Variants in ADAMTS18 observed in about 807,000 individuals in gnomAD.
The protein encoded by ADAMTS18 is A disintegrin and metalloproteinase with thrombospondin motifs 18.
A neutral mutation model predicts 165.9 loss-of-function variants in ADAMTS18; 157 were observed. The ratio of observed to expected loss-of-function variants is 0.95; its 90% confidence interval spans 0.83 to 1.08. The LOEUF (loss-of-function observed/expected upper bound fraction) is 1.08, where lower values mean the gene tolerates loss of function less well. ADAMTS18 is among the 50% of genes least tolerant of loss of function. The pLI is 0.00. For synonymous variants in ADAMTS18, 782 were observed against 578.2 expected, an observed-to-expected ratio of 1.35 and a Z score of -5.06; for missense variants, 2,040 against 1,534.0, an observed-to-expected ratio of 1.33 and a Z score of -5.51.
chr16:77,404,993 G>A (rs66527858), intron 3 of ADAMTS18, among the ~76,000 whole-genome samples: 18,864 of 152,180 alleles, frequency 0.12, 1,425 homozygotes, highest in East Asian at 0.22. Flanking sequence ...CCCCCAGAGC[G>A]GGGGAATGTT....
chr16:77,300,323 T>C lies in ADAMTS18; in HGVS notation c.2614A>G (p.Lys872Glu), dbSNP rs1296514941. ...KVMNGTPPAT[K>E]RPAYTWSIVQ... is the part of the protein sequence containing the mutation. ...ATACTCCAGGTATAGGCAGGTCTTT[T>C]TGTGGCTGGTGGAGTTCCATTCATG... Residue 872 changes from lysine (K) to glutamate (E), a missense_variant, in exon 17 of 23, where the codon AAA (lysine) becomes GAA (glutamate). Physicochemically the swap from Lys to Glu is moderately conservative, Grantham distance 56. Coordinates refer to ENST00000282849, the MANE Select transcript of ADAMTS18 (RefSeq NM_199355.4). The C allele has an allele frequency of 1.2e-6, 2 of 1,614,122 alleles. No individual in the cohort carries two copies. Among genetic ancestry groups the C allele is most frequent in the South Asian group, 1.1e-5 (1 of 91,086 alleles).
In ADAMTS18 at chr16:77,425,771, G is replaced by A. The variant is rs574946594; in HGVS notation, c.495+5524C>T. 3.3e-5 allele frequency among the ~76,000 whole-genome samples: 5 copies of A among 152,160 alleles called. No individual in the cohort carries two copies. In the South Asian group the frequency reaches 6.2e-4, roughly 19 times the overall value. ...AAAAGAGGAGGAGTGGGCCGGGCACGGTGGCTCACACCTGTAATTCTGGCA... is the reference window on the plus strand; with the variant it reads ...AAAAGAGGAGGAGTGGGCCGGGCACAGTGGCTCACACCTGTAATTCTGGCA... On this transcript the variant is annotated intron_variant, in intron 3 of 22. Coordinates refer to ENST00000282849, the MANE Select transcript of ADAMTS18 (RefSeq NM_199355.4).
intron 3 of ADAMTS18, among the ~76,000 whole-genome samples, chr16:77,382,318 C>T (rs535860086): frequency 6.6e-5 from 10 of 152,232 alleles, no homozygotes; most frequent in South Asian, 4.2e-4. Context: ...TCATGCCATT[C>T]TCCTGCCTCA....
chr16:77,367,125 T>C (rs2056806680), intron 4 of ADAMTS18, among the ~76,000 whole-genome samples: 3 of 152,154 alleles, frequency 2.0e-5, no homozygotes, highest in African/African-American at 7.2e-5. Context: ...ACCTAGACAT[T>C]TACCTCTGTC....
intron 12 of ADAMTS18, 124 bp downstream of exon 12, chr16:77,335,632 A>T: frequency 8.3e-7 from 1 of 1,203,456 alleles, no homozygotes; most frequent in Non-Finnish European, 1.2e-6. Context: ...AATATGTATA[A>T]CCATTATGTA....
At chr16:77,333,159 T>C (rs1245723261) in intron 12 of ADAMTS18, among the ~76,000 whole-genome samples, 1 of 152,182 alleles carries the variant, frequency 6.6e-6, no homozygotes, top group Non-Finnish European at 1.5e-5. Context: ...ATGACTCCTC[T>C]GCTGTGTTTT....
At chr16:77,389,179 T>C (rs953201988) in intron 3 of ADAMTS18, among the ~76,000 whole-genome samples, 1 of 152,144 alleles carries the variant, frequency 6.6e-6, no homozygotes, top group South Asian at 2.1e-4. Context: ...CACATACCTG[T>C]GGTCTCAGCT....
chr16:77,292,802 C>G (rs1048187449), intron 20 of ADAMTS18, among the ~76,000 whole-genome samples: 3 of 152,082 alleles, frequency 2.0e-5, no homozygotes, highest in Admixed American at 6.6e-5. Flanking sequence ...GTCAGCTGAG[C>G]ATCTCAAGAA....
At chr16:77,329,023 G>A (rs1258073453) in intron 12 of ADAMTS18, among the ~76,000 whole-genome samples, 1 of 152,168 alleles carries the variant, frequency 6.6e-6, no homozygotes, top group Non-Finnish European at 1.5e-5. Flanking sequence ...CTTAGGCCAT[G>A]GGGCCGGGTA....
In ADAMTS18 at chr16:77,284,108, G is replaced by A. The variant is rs368726562; in HGVS notation, c.3551-37C>T. The stretch of plus-strand genomic sequence containing the variant: ...AAATATATTTAGCATGTTGGCTAGG[G>A]TGTCTATCCTTTTTCTTTTTTTTTT... On this transcript the variant is annotated intron_variant, in intron 22 of 22. Transcript: ENST00000282849. 23 of 1,429,304 alleles carry A rather than the reference G, an allele frequency of 1.6e-5. No homozygotes were observed. The African/African-American group carries it at 2.6e-4, about 16-fold the overall frequency. 88.5% of individuals were successfully genotyped at this position (1,429,304 alleles called of 1,614,324 possible).
chr16:77,369,195 G>A (rs2056842014), intron 3 of ADAMTS18, among the ~76,000 whole-genome samples: 1 of 152,096 alleles, frequency 6.6e-6, no homozygotes, highest in South Asian at 2.1e-4. Flanking sequence ...TGTGGTATCA[G>A]TTATGTCACA....
At chr16:77,370,266 A>G (rs1317148485) in intron 3 of ADAMTS18, among the ~76,000 whole-genome samples, 1 of 152,236 alleles carries the variant, frequency 6.6e-6, no homozygotes, top group Non-Finnish European at 1.5e-5. Context: ...AATAAAGGGC[A>G]TTCAACTTAG....
chr16:77,351,213 T>A (rs2056550993), intron 10 of ADAMTS18, among the ~76,000 whole-genome samples: 1 of 152,188 alleles, frequency 6.6e-6, no homozygotes, highest in Non-Finnish European at 1.5e-5. Flanking sequence ...TCAGAATCTA[T>A]CAAACCACCC....
chr16:77,326,293 G>T (rs188458290), intron 12 of ADAMTS18, among the ~76,000 whole-genome samples: 1 of 152,070 alleles, frequency 6.6e-6, no homozygotes, highest in African/African-American at 2.4e-5. Flanking sequence ...ATTAAAATTG[G>T]CATGCTAAAT....
At chr16:77,294,641 T>A (rs1261684180) in intron 19 of ADAMTS18, among the ~76,000 whole-genome samples, 1 of 152,348 alleles carries the variant, frequency 6.6e-6, no homozygotes, top group East Asian at 1.9e-4. Flanking sequence ...GCCAGTCTTC[T>A]GATACTGGAA....
At chr16:77,341,922 G>C (rs2056404642) in intron 10 of ADAMTS18, 123 bp from the exon 11 acceptor site, 3 of 780,028 alleles carry the variant, frequency 3.8e-6, no homozygotes, top group Non-Finnish European at 6.3e-6. Context: ...TATTCAGAAA[G>C]TAGAGGCCAG....
intron 12 of ADAMTS18, among the ~76,000 whole-genome samples, chr16:77,334,987 T>C (rs927313694): frequency 2.1e-5 from 3 of 143,706 alleles, no homozygotes; most frequent in Non-Finnish European, 4.5e-5. Context: ...TATATAGTAG[T>C]ATATATACTG....
chr16:77,363,866 T>C lies in ADAMTS18; in HGVS notation c.992A>G (p.Asp331Gly), dbSNP rs899307840. The C allele has an allele frequency of 6.2e-7, 1 of 1,613,882 alleles. No individual in the cohort carries two copies. The highest frequency in any genetic ancestry group is 8.5e-7 in the Non-Finnish European group (1 of 1,179,990). The change falls in exon 6 of 23, where the codon GAT (aspartate) becomes GGT (glycine). Residue 331 changes from aspartate (D) to glycine (G), a missense_variant. Physicochemically the swap from Asp to Gly is moderately conservative, Grantham distance 94. Transcript: ENST00000282849. ...VMNMVSGLFK[D>G]GTIGSDINVV... ...GTTTATGTCACTTCCAATAGTCCCATCTTTAAATAGGCCAGAAACCTGTTG... is the reference window on the plus strand; with the variant it reads ...GTTTATGTCACTTCCAATAGTCCCACCTTTAAATAGGCCAGAAACCTGTTG...
chr16:77,364,116 A>G (rs2056756364), intron 5 of ADAMTS18, 72 bp downstream of exon 5: 3 of 1,591,038 alleles, frequency 1.9e-6, no homozygotes, highest in Non-Finnish European at 2.6e-6. Context: ...CCTGCTATTC[A>G]ACCCATGCAA....
Sources: gnomAD v4.1 joint callset for allele counts (sites outside exome capture counted in the v4.1 genomes callset) on GRCh38, gnomAD v4.1.1 for gene constraint, MANE v1.5 for transcripts, NCBI Gene and HGNC (gene_info 2026-07-23, HGNC 2026-07-21) for gene names.